The following PXDNL variants were observed in gnomAD, a reference collection of about 807,000 sequenced individuals.
PXDNL encodes the protein probable oxidoreductase PXDNL.
Under a neutral mutation model 150.8 loss-of-function variants are expected in PXDNL, and 145 were observed. The ratio of observed to expected loss-of-function variants is 0.96; its 90% confidence interval spans 0.84 to 1.10. The LOEUF is 1.10. Ranked by LOEUF, PXDNL falls within the 50% of genes least tolerant of loss-of-function variation. PXDNL has a pLI of 0.00. For missense variants in PXDNL, 2,087 were observed against 1,873.9 expected, an observed-to-expected ratio of 1.11 and a Z score of -2.10; for synonymous variants, 757 against 725.7, an observed-to-expected ratio of 1.04 and a Z score of -0.69.
At chr8:51,354,110 C>CCT (rs949919205) in intron 19 of PXDNL, among the ~76,000 whole-genome samples, 3 of 151,934 alleles carry the variant, frequency 2.0e-5, no homozygotes, top group African/African-American at 7.3e-5. Flanking sequence ...GTTGGTTTTC[C>CCT]CTAGTGATCT....
chr8:51,594,123 T>A (rs1409331622), intron 2 of PXDNL, among the ~76,000 whole-genome samples: 2 of 152,226 alleles, frequency 1.3e-5, no homozygotes, highest in East Asian at 1.9e-4. Flanking sequence ...GACTATTCTG[T>A]CCACCTTAGT....
At chr8:51,364,885 G>T (rs1461003051) in intron 19 of PXDNL, among the ~76,000 whole-genome samples, 2 of 152,088 alleles carry the variant, frequency 1.3e-5, no homozygotes, top group Non-Finnish European at 2.9e-5. Flanking sequence ...CTCATGATAG[G>T]CTCTTATAGC....
At chr8:51,519,155 G>A (rs1482841843) in intron 4 of PXDNL, among the ~76,000 whole-genome samples, 1 of 152,120 alleles carries the variant, frequency 6.6e-6, no homozygotes, top group Non-Finnish European at 1.5e-5. Flanking sequence ...TGTGATGGTA[G>A]GATAAAAAAT....
At chr8:51,708,587 G>T (rs550257284) in intron 1 of PXDNL, among the ~76,000 whole-genome samples, 1 of 152,226 alleles carries the variant, frequency 6.6e-6, no homozygotes, top group Middle Eastern at 3.4e-3. Flanking sequence ...CAAAGGAAAA[G>T]AACACAGATA....
chr8:51,538,720 C>G (rs868359516), intron 4 of PXDNL, among the ~76,000 whole-genome samples: 1 of 152,046 alleles, frequency 6.6e-6, no homozygotes. Context: ...GAGCCGAGAT[C>G]GTGCCAGTAC....
intron 4 of PXDNL, among the ~76,000 whole-genome samples, chr8:51,533,354 T>G (rs1811948124): frequency 6.6e-6 from 1 of 152,022 alleles, no homozygotes; most frequent in Admixed American, 6.5e-5. Context: ...TTTCACCATG[T>G]TGGCCAGGCT....
rs140633817 is a variant in PXDNL, at chr8:51,566,036, C to T, written c.309-9125G>A. ...CAAATGGGTGTTCAATGTTGCCAAACGCATTTTATGCATCTTCTGATATAA... is the reference window on the plus strand; with the variant it reads ...CAAATGGGTGTTCAATGTTGCCAAATGCATTTTATGCATCTTCTGATATAA... On this transcript the variant is annotated intron_variant, in intron 3 of 22. Coordinates refer to ENST00000356297, the MANE Select transcript of PXDNL (RefSeq NM_144651.5). Among the ~76,000 whole-genome samples the T allele has an allele frequency of 7.0e-4, 106 of 151,904 alleles. 1 individual carries two copies. In the East Asian group the frequency reaches 0.018, roughly 25 times the overall value.
chr8:51,483,603 T>G lies in PXDNL; in HGVS notation c.524+40A>C. 3.2e-6 allele frequency: 4 copies of G among 1,253,500 alleles called. No homozygotes were observed. The South Asian group carries it at 5.4e-5, about 17-fold the overall frequency. The allele number at this position is 1,253,500 out of a possible 1,614,324, so 77.6% of individuals were successfully genotyped here. On this transcript the variant is annotated intron_variant, in intron 6 of 22. Transcript: ENST00000356297. ...GTTTGGGATGGATTTTGGAGGAAAT[T>G]ATAAAAGGTTTTTGTGTTAATGCAC...
At chr8:51,455,562 G>A (rs1029065011) in intron 9 of PXDNL, among the ~76,000 whole-genome samples, 11 of 152,104 alleles carry the variant, frequency 7.2e-5, no homozygotes, top group African/African-American at 2.4e-4. Flanking sequence ...GAGAAAGGGA[G>A]GGGAGGACAG....
chr8:51,575,560 CA>C (rs771928185), intron 3 of PXDNL, among the ~76,000 whole-genome samples: 33 of 151,836 alleles, frequency 2.2e-4, no homozygotes, highest in Non-Finnish European at 4.3e-4. Context: ...ATTAAAAATA[CA>C]AAAATTAGCC....
At chr8:51,724,371 G>T (rs769999745) in intron 1 of PXDNL, among the ~76,000 whole-genome samples, 4 of 152,106 alleles carry the variant, frequency 2.6e-5, no homozygotes, top group Non-Finnish European at 5.9e-5. Flanking sequence ...CGGGGCTGCT[G>T]GAGAACAGAG....
intron 2 of PXDNL, among the ~76,000 whole-genome samples, chr8:51,617,165 T>C (rs576611246): frequency 2.0e-5 from 3 of 152,336 alleles, no homozygotes; most frequent in South Asian, 2.1e-4. Flanking sequence ...TTTGTCAGTT[T>C]GGCCAAATGG....
At chr8:51,733,709 G>A (rs1169513592) in intron 1 of PXDNL, among the ~76,000 whole-genome samples, 2 of 151,680 alleles carry the variant, frequency 1.3e-5, no homozygotes, top group African/African-American at 4.8e-5. Context: ...TCAGGTGGCT[G>A]AGGCAGGAGA....
intron 12 of PXDNL, chr8:51,436,286 C>T (rs1263865468): frequency 4.1e-6 from 2 of 490,724 alleles, no homozygotes; most frequent in Non-Finnish European, 8.3e-6. Context: ...GAAGGTGTTG[C>T]TCTTGTAGAA....
chr8:51,521,926 C>T (rs1318475398), intron 4 of PXDNL, among the ~76,000 whole-genome samples: 1 of 152,124 alleles, frequency 6.6e-6, no homozygotes, highest in Admixed American at 6.6e-5. Context: ...GTGAAGTTGA[C>T]TTCAAAGGTG....
chr8:51,357,387 TC>T (rs1806543312), intron 19 of PXDNL, among the ~76,000 whole-genome samples: 1 of 152,208 alleles, frequency 6.6e-6, no homozygotes, highest in Admixed American at 6.5e-5. Context: ...CCTGTGCAAA[TC>T]ACAGCATTCC....
At chr8:51,407,316 T>C (rs1808464510) in intron 17 of PXDNL, among the ~76,000 whole-genome samples, 1 of 152,214 alleles carries the variant, frequency 6.6e-6, no homozygotes, top group Admixed American at 6.5e-5. Context: ...TCTTGACAAT[T>C]GGCTATAGAA....
At chr8:51,524,148 C>CAAT (rs5891419) in intron 4 of PXDNL, among the ~76,000 whole-genome samples, 149,951 of 152,268 alleles carry the variant, frequency 0.98, 73,847 homozygotes, top group Admixed American at 1. Flanking sequence ...GGAGTCATAC[C>CAAT]TGATATATGA....
intron 4 of PXDNL, among the ~76,000 whole-genome samples, chr8:51,542,861 A>G (rs1321334422): frequency 6.6e-6 from 1 of 152,048 alleles, no homozygotes; most frequent in East Asian, 1.9e-4. Flanking sequence ...AATAAACTAG[A>G]CAGATCAACA....
Sources: gnomAD v4.1 joint callset for allele counts (sites outside exome capture counted in the v4.1 genomes callset) on GRCh38, gnomAD v4.1.1 for gene constraint, MANE v1.5 for transcripts, NCBI Gene and HGNC (gene_info 2026-07-23, HGNC 2026-07-21) for gene names.